C7: variants seen among roughly 807,000 people sequenced by gnomAD.
C7 encodes complement component C7.
C7 carries 83 observed loss-of-function variants against 104.8 expected under a neutral mutation model. The observed-to-expected ratio is 0.79, with a 90% confidence interval of 0.66 to 0.95. The LOEUF (loss-of-function observed/expected upper bound fraction) is 0.95. Among genes scored for constraint, C7 ranks in the 40% least tolerant of loss-of-function variants. The pLI is 0.00. For missense variants in C7, 1,070 were observed against 1,011.2 expected, an observed-to-expected ratio of 1.06 and a Z score of -0.79; for synonymous variants, 415 against 360.6, an observed-to-expected ratio of 1.15 and a Z score of -1.71.
chr5:40,954,900 AAAAAAG>A, intron 9 of C7: 1 of 292,500 alleles, frequency 3.4e-6, no homozygotes, highest in Non-Finnish European at 6.6e-6. Context: ...AAAAAAAAAA[AAAAAAG>A]AAAACCACCA....
chr5:40,940,350 GGCTTGGGAAGGTGCCCCTCT>G (rs1388709944), intron 6 of C7, among the ~76,000 whole-genome samples: 1 of 152,168 alleles, frequency 6.6e-6, no homozygotes, highest in Non-Finnish European at 1.5e-5. Flanking sequence ...AGGCATTTAT[GGCTTGGGAAGGTGCCCCTCT>G]GCCTTGTTCA....
In C7 at chr5:40,937,307, G is replaced by A. The variant is rs553168586; in HGVS notation, c.429-245G>A. Reference sequence around the variant, plus strand: ...GTGTTTCCCAAATATGTTCTTAGATGGAAAGAATGTTGGATTTTCTGAGCC... The same window carrying A: ...GTGTTTCCCAAATATGTTCTTAGATAGAAAGAATGTTGGATTTTCTGAGCC... On this transcript the variant is annotated intron_variant, in intron 5 of 17. Transcript: ENST00000313164. 13 of 265,114 alleles carry A rather than the reference G, an allele frequency of 4.9e-5. No homozygotes were observed. In the East Asian group the frequency reaches 8.4e-4, roughly 17 times the overall value. The allele number at this position is 265,114 out of a possible 1,614,324, so 16.4% of individuals were successfully genotyped here.
Position 40,965,651 on chromosome 5 carries a change from T to A in C7, c.1882+778T>A, listed in dbSNP as rs866794148. 6.6e-3 allele frequency among the ~76,000 whole-genome samples: 985 copies of A among 148,776 alleles called. 7 individuals carry two copies. Among genetic ancestry groups the A allele is most frequent in the African/African-American group, 0.023 (941 of 40,736 alleles). ...TGATATATATATATATATATATATT[T>A]TTTTTTTGGAGACAGAGTCTCACTC... On this transcript the variant is annotated intron_variant, in intron 14 of 17. Coordinates refer to ENST00000313164, the MANE Select transcript of C7 (RefSeq NM_000587.4).
intron 5 of C7, among the ~76,000 whole-genome samples, chr5:40,936,830 G>T (rs561467138): frequency 1.3e-5 from 2 of 152,164 alleles, no homozygotes; most frequent in Non-Finnish European, 2.9e-5. Context: ...ATTCAATAAT[G>T]TGGGGCTATT....
chr5:40,922,696 C>CAAA (rs780972661), intron 1 of C7, among the ~76,000 whole-genome samples: 23 of 114,096 alleles, frequency 2.0e-4, no homozygotes, highest in African/African-American at 7.4e-4. Flanking sequence ...GTGAGACTGT[C>CAAA]AAAAAAAAAA....
At chr5:40,957,726 C>T (rs185872347) in intron 10 of C7, among the ~76,000 whole-genome samples, 90 of 150,914 alleles carry the variant, frequency 6.0e-4, no homozygotes, top group African/African-American at 2.0e-3. Context: ...AAAGTGCTGG[C>T]GTTACAGGCG....
At chr5:40,976,603 C>A in intron 15 of C7, 147 bp from the exon 16 acceptor site, 1 of 519,724 alleles carries the variant, frequency 1.9e-6, no homozygotes, top group South Asian at 3.4e-5. Context: ...AAATGTATCA[C>A]ACCTTGATTA....
chr5:40,947,751 C>T lies in C7; in HGVS notation c.888C>T (p.Ile296=), dbSNP rs757442071. ...ACTACAGTGCCTACCGAAGATTAAT[C>T]GACCAGTACGGGACACATTATCTGC... is the stretch of plus-strand genomic sequence containing the variant. ...LYDYSAYRRL[I]DQYGTHYLQS... The change falls in exon 8 of 18, where the codon ATC becomes ATT. Residue 296 remains isoleucine (I), a synonymous_variant. Transcript: ENST00000313164. 1.2e-5 allele frequency: 20 copies of T among 1,613,578 alleles called. No individual in the cohort carries two copies. Among genetic ancestry groups the T allele is most frequent in the South Asian group, 2.2e-5 (2 of 91,066 alleles).
intron 6 of C7, among the ~76,000 whole-genome samples, chr5:40,938,699 G>A: frequency 6.6e-6 from 1 of 152,156 alleles, no homozygotes; most frequent in Non-Finnish European, 1.5e-5. Context: ...TTTTGCTTAT[G>A]ATCTCAGATC....
Position 40,984,277 on chromosome 5 carries a change from T to A in C7, c.*2704T>A, listed in dbSNP as rs1386336461. Among the ~76,000 whole-genome samples the A allele has an allele frequency of 6.6e-6, 1 of 152,118 alleles. No homozygotes were observed. Among genetic ancestry groups the A allele is most frequent in the Admixed American group, 6.6e-5 (1 of 15,266 alleles). ...CACCTTGAAAGAGAAGGAGGGTTCT[T>A]CGTATTCAGGTAGGGTATGGTAGGG... On this transcript the variant is annotated 3_prime_UTR_variant, in exon 18 of 18. Coordinates refer to ENST00000313164, the MANE Select transcript of C7 (RefSeq NM_000587.4).
intron 1 of C7, among the ~76,000 whole-genome samples, chr5:40,912,528 G>A (rs570020008): frequency 1.0e-4 from 15 of 149,466 alleles, no homozygotes; most frequent in Admixed American, 6.6e-4. Flanking sequence ...ACAGGTGCCC[G>A]CCACCATGCC....
At chr5:40,951,063 C>A (rs183920989) in intron 9 of C7, among the ~76,000 whole-genome samples, 8 of 152,072 alleles carry the variant, frequency 5.3e-5, no homozygotes, top group South Asian at 4.2e-4. Flanking sequence ...AAACATTTGG[C>A]AGGATTAAAA....
chr5:40,910,029 C>T (rs539001170), intron 1 of C7, among the ~76,000 whole-genome samples: 49 of 142,810 alleles, frequency 3.4e-4, no homozygotes, highest in Middle Eastern at 7.7e-3. Context: ...TAGGGTCCTG[C>T]GATTTATCTA....
chr5:40,917,562 A>G (rs964114865), intron 1 of C7, among the ~76,000 whole-genome samples: 6 of 152,134 alleles, frequency 3.9e-5, no homozygotes, highest in Admixed American at 3.9e-4. Flanking sequence ...TATCTTGGCT[A>G]TTGTAAATAA....
chr5:40,939,123 A>C (rs1739877562), intron 6 of C7, among the ~76,000 whole-genome samples: 1 of 152,038 alleles, frequency 6.6e-6, no homozygotes, highest in Non-Finnish European at 1.5e-5. Context: ...ATGTTCAGAC[A>C]AAAGGGCCTT....
chr5:40,933,765 T>G (rs1739745586), intron 3 of C7, among the ~76,000 whole-genome samples: 2 of 152,166 alleles, frequency 1.3e-5, no homozygotes, highest in African/African-American at 4.8e-5. Context: ...TAACTCTGCT[T>G]CATCTTAACC....
At chr5:40,931,017 C>A (rs376444956) in intron 2 of C7, 47 bp from the exon 3 acceptor site, 3 of 1,259,378 alleles carry the variant, frequency 2.4e-6, no homozygotes, top group South Asian at 1.2e-5. Context: ...TGTTCCCTTG[C>A]GTATCTTTCC....
At chr5:40,915,030 T>C (rs1195809605) in intron 1 of C7, among the ~76,000 whole-genome samples, 5 of 151,900 alleles carry the variant, frequency 3.3e-5, no homozygotes, top group African/African-American at 1.2e-4. Flanking sequence ...AGAAATAGCA[T>C]CAGTTTGGAA....
intron 1 of C7, among the ~76,000 whole-genome samples, chr5:40,915,635 C>T (rs760840449): frequency 2.6e-5 from 4 of 152,112 alleles, no homozygotes; most frequent in Non-Finnish European, 4.4e-5. Flanking sequence ...AAAACTTATA[C>T]GATCCACATG....
Sources: gnomAD v4.1 joint callset for allele counts (sites outside exome capture counted in the v4.1 genomes callset) on GRCh38, gnomAD v4.1.1 for gene constraint, MANE v1.5 for transcripts, NCBI Gene and HGNC (gene_info 2026-07-23, HGNC 2026-07-21) for gene names.